ARL15: variants seen among roughly 807,000 people sequenced by gnomAD.
The protein encoded by ARL15 is ARF like GTPase 15.
Under a neutral mutation model 25.2 loss-of-function variants are expected in ARL15, and 19 were observed. That is an observed-to-expected ratio of 0.75 (90% CI 0.53 to 1.10). ARL15 has a LOEUF of 1.10. ARL15 is among the 50% of genes least tolerant of loss of function. ARL15 has a pLI of 0.00. For missense variants in ARL15, 220 were observed against 246.0 expected (o/e 0.89, Z 0.71); for synonymous variants, 94 against 86.8 (o/e 1.08, Z -0.46).
chr5:53,934,043 T>C (rs1746280125), intron 4 of ARL15, among the ~76,000 whole-genome samples: 1 of 152,238 alleles, frequency 6.6e-6, no homozygotes, highest in African/African-American at 2.4e-5. Flanking sequence ...TGGGGTTCTG[T>C]TGAAATATTG....
chr5:54,250,015 A>T (rs1757199586), intron 1 of ARL15, among the ~76,000 whole-genome samples: 1 of 152,164 alleles, frequency 6.6e-6, no homozygotes, highest in Non-Finnish European at 1.5e-5. Flanking sequence ...ATAAGAAAAG[A>T]GGTTTAATTG....
At chr5:54,171,711 A>C (rs763544500) in intron 2 of ARL15, 73 bp downstream of exon 2, 1 of 1,488,246 alleles carries the variant, frequency 6.7e-7, no homozygotes, top group Non-Finnish European at 9.0e-7. Context: ...AAGGGAGGGG[A>C]TAAATTGCAC....
At chr5:53,960,875 T>G (rs1050639597) in intron 4 of ARL15, among the ~76,000 whole-genome samples, 1 of 152,180 alleles carries the variant, frequency 6.6e-6, no homozygotes. Context: ...TGGAACACTG[T>G]GGGTGGGATC....
chr5:53,951,277 G>C (rs1746944124), intron 4 of ARL15, among the ~76,000 whole-genome samples: 1 of 152,160 alleles, frequency 6.6e-6, no homozygotes, highest in African/African-American at 2.4e-5. Context: ...CCATGAGCTT[G>C]ATCAGAACTT....
intron 2 of ARL15, among the ~76,000 whole-genome samples, chr5:54,157,232 G>A (rs1269058361): frequency 6.6e-6 from 1 of 152,188 alleles, no homozygotes; most frequent in Non-Finnish European, 1.5e-5. Context: ...TCAAAGGGAA[G>A]TAATATCCTT....
chr5:54,091,665 ACAGTCGGGCTTGTGC>A (rs1220056252), intron 4 of ARL15, among the ~76,000 whole-genome samples: 3 of 152,114 alleles, frequency 2.0e-5, no homozygotes, highest in African/African-American at 7.2e-5. Flanking sequence ...CTGTCAACTG[ACAGTCGGGCTTGTGC>A]CACTAAGAAC....
intron 4 of ARL15, among the ~76,000 whole-genome samples, chr5:54,030,397 A>G (rs951257115): frequency 6.6e-6 from 1 of 152,214 alleles, no homozygotes; most frequent in African/African-American, 2.4e-5. Flanking sequence ...GAGAAAGGAC[A>G]TTAATGGAAA....
chr5:54,263,333 T>A (rs1157833851), intron 1 of ARL15, among the ~76,000 whole-genome samples: 33 of 152,092 alleles, frequency 2.2e-4, no homozygotes, highest in Non-Finnish European at 7.4e-5. Flanking sequence ...ACTGTCACTG[T>A]TAACAAATAA....
intron 3 of ARL15, among the ~76,000 whole-genome samples, chr5:54,123,738 C>T (rs1753161867): frequency 6.6e-6 from 1 of 152,144 alleles, no homozygotes; most frequent in Non-Finnish European, 1.5e-5. Flanking sequence ...TTAATCATAT[C>T]ACTAAATCAG....
rs79555238 is a variant in ARL15 at position 53,976,092 on chromosome 5, T to C, written c.463-89379A>G. 6.9e-3 allele frequency among the ~76,000 whole-genome samples: 1,048 copies of C among 152,232 alleles called. 11 individuals carry two copies. The highest frequency in any genetic ancestry group is 0.024 in the African/African-American group (1,001 of 41,532). The stretch of plus-strand genomic sequence containing the variant: ...TAGTTCATTCATCTATTAATAAACA[T>C]TTTTTAGGCACCCTCCAGGTCCCAG... On this transcript the variant is annotated intron_variant, in intron 4 of 4. Transcript: ENST00000504924.
In ARL15 at chr5:54,209,435, A is replaced by T. The variant is rs1187458870; in HGVS notation, c.49-37507T>A. On this transcript the variant is annotated intron_variant, in intron 1 of 4. Transcript: ENST00000504924. ...CATTTGAAGGGAGGGAAGGAAGAAG[A>T]AGTTCACCATTGACCACTGGTTTTC... 3.3e-5 allele frequency among the ~76,000 whole-genome samples: 5 copies of T among 152,062 alleles called. No homozygotes were observed. In the East Asian group the frequency reaches 5.8e-4, roughly 18 times the overall value.
intron 4 of ARL15, among the ~76,000 whole-genome samples, chr5:53,923,796 C>T (rs539876899): frequency 8.5e-5 from 13 of 152,170 alleles, no homozygotes; most frequent in South Asian, 2.1e-4. Context: ...ACCCAGGAGG[C>T]GGAGTTTGCA....
At chr5:54,123,268 C>G (rs1753144743) in intron 3 of ARL15, among the ~76,000 whole-genome samples, 1 of 152,084 alleles carries the variant, frequency 6.6e-6, no homozygotes, top group Non-Finnish European at 1.5e-5. Flanking sequence ...TGCCACCACA[C>G]TCAGCTAATT....
chr5:54,113,577 A>G (rs369894415), intron 3 of ARL15, among the ~76,000 whole-genome samples, 167 bp from the exon 4 acceptor site: 31 of 152,330 alleles, frequency 2.0e-4, no homozygotes, highest in African/African-American at 7.0e-4. Context: ...ATCACAGTGG[A>G]TGGGAACAAA....
chr5:54,029,191 T>C (rs1749882832), intron 4 of ARL15, among the ~76,000 whole-genome samples: 1 of 152,176 alleles, frequency 6.6e-6, no homozygotes, highest in African/African-American at 2.4e-5. Context: ...TTTTCTCAGA[T>C]GTAAAATGGG....
chr5:54,032,927 T>G (rs1296865475), intron 4 of ARL15, among the ~76,000 whole-genome samples: 2 of 152,154 alleles, frequency 1.3e-5, no homozygotes, highest in African/African-American at 4.8e-5. Context: ...ATGTTTTACT[T>G]GATCCCCATA....
At position 54,091,220 on chromosome 5, in the gene ARL15, C is replaced by T. The variant is rs139841621; in HGVS notation, c.462+21982G>A. On this transcript the variant is annotated intron_variant, in intron 4 of 4. Transcript: ENST00000504924. Reference sequence around the variant, plus strand: ...TAATCTAAATTGTGCTATTGAGAGGCGAGAAACGCAATTAAAGTGTCAACA... The same window carrying T: ...TAATCTAAATTGTGCTATTGAGAGGTGAGAAACGCAATTAAAGTGTCAACA... 3.3e-5 allele frequency among the ~76,000 whole-genome samples: 5 copies of T among 152,120 alleles called. No homozygotes were observed. The East Asian group carries it at 5.8e-4, about 18-fold the overall frequency.
intron 1 of ARL15, among the ~76,000 whole-genome samples, chr5:54,272,744 A>G (rs1200187781): frequency 6.6e-6 from 1 of 152,252 alleles, no homozygotes; most frequent in Non-Finnish European, 1.5e-5. Context: ...AATTATCATT[A>G]TAACATCTAC....
chr5:54,201,398 C>G lies in ARL15; in HGVS notation c.49-29470G>C, dbSNP rs529468949. 2.3e-3 allele frequency among the ~76,000 whole-genome samples: 347 copies of G among 152,216 alleles called. 1 individual carries two copies. The highest frequency in any genetic ancestry group is 4.1e-3 in the Non-Finnish European group (279 of 68,010). On this transcript the variant is annotated intron_variant, in intron 1 of 4. Coordinates refer to ENST00000504924, the MANE Select transcript of ARL15 (RefSeq NM_019087.3). ...CCTTGGTCAAACTTCAGTTAGGCTT[C>G]CGAACCTTCTCCTAAACCCATCTGT...
Sources: gnomAD v4.1 joint callset for allele counts (sites outside exome capture counted in the v4.1 genomes callset) on GRCh38, gnomAD v4.1.1 for gene constraint, MANE v1.5 for transcripts, NCBI Gene and HGNC (gene_info 2026-07-23, HGNC 2026-07-21) for gene names.